The following CDH13 variants were observed in gnomAD, a reference collection of about 807,000 sequenced individuals.
CDH13 encodes cadherin 13.
In CDH13, 24 loss-of-function variants were observed where a neutral mutation model predicts 63.8. That is an observed-to-expected ratio of 0.38 (90% CI 0.27 to 0.53). CDH13 has a LOEUF of 0.53. Ranked by LOEUF, CDH13 falls within the 20% of genes least tolerant of loss-of-function variation. CDH13 has a pLI of 0.85. For synonymous variants in CDH13, 503 were observed against 355.3 expected (o/e 1.42, Z -4.67); for missense variants, 1,049 against 903.1 (o/e 1.16, Z -2.07).
chr16:83,553,027 T>C (rs4346196), intron 7 of CDH13, among the ~76,000 whole-genome samples: 103,315 of 150,870 alleles, frequency 0.68, 35,744 homozygotes, highest in Non-Finnish European at 0.73. Flanking sequence ...TGCAGTGAGC[T>C]GAGATCGCGT....
At chr16:83,666,905 T>A (rs940450245) in intron 8 of CDH13, among the ~76,000 whole-genome samples, 4 of 152,200 alleles carry the variant, frequency 2.6e-5, no homozygotes, top group African/African-American at 9.6e-5. Context: ...TTGTTATACA[T>A]TTCTTTCCCA....
At chr16:82,743,528 T>TA (rs1299560245) in intron 1 of CDH13, among the ~76,000 whole-genome samples, 1 of 152,210 alleles carries the variant, frequency 6.6e-6, no homozygotes, top group African/African-American at 2.4e-5. Context: ...TACTAATACA[T>TA]ATTTTGAAGG....
chr16:83,220,400 G>A (rs936321684), intron 5 of CDH13, among the ~76,000 whole-genome samples: 2 of 152,110 alleles, frequency 1.3e-5, no homozygotes, highest in South Asian at 2.1e-4. Flanking sequence ...TAGATCCATG[G>A]TATTCATGGT....
chr16:83,037,762 G>T (rs1916993472), intron 3 of CDH13, among the ~76,000 whole-genome samples: 1 of 152,088 alleles, frequency 6.6e-6, no homozygotes, highest in African/African-American at 2.4e-5. Context: ...GACATGAGTG[G>T]GTTCAAATTT....
Position 82,868,554 on chromosome 16 carries a change from A to T in CDH13, c.157+10081A>T, listed in dbSNP as rs77351633. 3.6e-3 allele frequency among the ~76,000 whole-genome samples: 541 copies of T among 152,344 alleles called. 13 individuals are homozygous for T. The East Asian group carries it at 0.055, about 15-fold the overall frequency. ...ACTTGTTCTTTAAAGAATGGGAAAC[A>T]CAAGAAGTAACAGAGTGAGAAGGAC... On this transcript the variant is annotated intron_variant, in intron 2 of 13. Transcript: ENST00000567109.
intron 1 of CDH13, among the ~76,000 whole-genome samples, chr16:82,833,450 C>T (rs2038631456): frequency 2.6e-5 from 4 of 152,300 alleles, no homozygotes; most frequent in South Asian, 2.1e-4. Flanking sequence ...CTAAATTCAA[C>T]CCAGGAACCC....
chr16:83,655,171 C>T (rs1483368954), intron 8 of CDH13: 2 of 152,236 alleles, frequency 1.3e-5, no homozygotes, highest in African/African-American at 4.8e-5. Flanking sequence ...AATCTCTCAC[C>T]TTGATTCCCT....
rs543142769 is a variant in CDH13 at position 83,505,283 on chromosome 16, A to G, written c.960+18628A>G. 2.0e-5 allele frequency among the ~76,000 whole-genome samples: 3 copies of G among 152,326 alleles called. No homozygotes were observed. In the South Asian group the frequency reaches 6.2e-4, roughly 32 times the overall value. ...AATGCCTAGCGGGCGTTAGCCTACA[A>G]CGAAGGATAATTCAATCTATCCTCA... is the stretch of plus-strand genomic sequence containing the variant. On this transcript the variant is annotated intron_variant, in intron 7 of 13. Transcript: ENST00000567109.
At chr16:83,008,493 A>G (rs988640612) in intron 2 of CDH13, among the ~76,000 whole-genome samples, 1 of 152,224 alleles carries the variant, frequency 6.6e-6, no homozygotes, top group African/African-American at 2.4e-5. Context: ...TGAGGGTGAG[A>G]GTAGCACAAA....
intron 3 of CDH13, among the ~76,000 whole-genome samples, chr16:83,122,009 T>TG (rs1248062215): frequency 6.6e-6 from 1 of 151,396 alleles, no homozygotes; most frequent in East Asian, 1.9e-4. Context: ...TATGGGGCCT[T>TG]GGGGCCAAAG....
intron 4 of CDH13, among the ~76,000 whole-genome samples, chr16:83,193,146 C>T (rs1450442133): frequency 6.7e-6 from 1 of 149,470 alleles, no homozygotes; most frequent in Non-Finnish European, 1.5e-5. Flanking sequence ...CAGGGAAATG[C>T]TATACTTGAA....
intron 6 of CDH13, among the ~76,000 whole-genome samples, chr16:83,392,782 G>A (rs995137505): frequency 6.6e-6 from 1 of 152,146 alleles, no homozygotes; most frequent in Non-Finnish European, 1.5e-5. Context: ...GCTAAATTAT[G>A]CGGTGCCATC....
At chr16:83,094,321 C>G (rs909904250) in intron 3 of CDH13, among the ~76,000 whole-genome samples, 2 of 152,122 alleles carry the variant, frequency 1.3e-5, no homozygotes, top group Non-Finnish European at 2.9e-5. Flanking sequence ...AAGAGGGAAA[C>G]TTTGGGAAAT....
chr16:82,831,570 G>A (rs974937192), intron 1 of CDH13, among the ~76,000 whole-genome samples: 1 of 152,072 alleles, frequency 6.6e-6, no homozygotes, highest in African/African-American at 2.4e-5. Context: ...CTGAGGTGAG[G>A]ACCCCAGCTG....
chr16:83,480,610 T>C (rs915346486), intron 6 of CDH13, among the ~76,000 whole-genome samples: 27 of 152,166 alleles, frequency 1.8e-4, no homozygotes, highest in Non-Finnish European at 1.5e-5. Flanking sequence ...AATTCTCACA[T>C]TGGCAGTCTG....
At chr16:83,257,991 G>A (rs1036224721) in intron 5 of CDH13, among the ~76,000 whole-genome samples, 6 of 152,110 alleles carry the variant, frequency 3.9e-5, no homozygotes, top group Non-Finnish European at 7.4e-5. Flanking sequence ...TCTCAATGTG[G>A]TATTGGTTTG....
rs56106728 is a variant in CDH13 at position 82,856,693 on chromosome 16, C to CA, written c.46-1641dup. Among the ~76,000 whole-genome samples, 60 of 49,554 alleles carry CA rather than the reference C, an allele frequency of 1.2e-3. 4 individuals carry two copies. The highest frequency in any genetic ancestry group is 3.5e-3 in the African/African-American group (39 of 11,126). 32.5% of individuals were successfully genotyped at this position (49,554 alleles called of 152,430 possible). Reference sequence around the variant, plus strand: ...TGGGCAACATGGCAAGACTCGGTCTCAAAAAAAAAAAAAAAAAAAAAAAAA... The same window carrying CA: ...TGGGCAACATGGCAAGACTCGGTCTCAAAAAAAAAAAAAAAAAAAAAAAAAA... On this transcript the variant is annotated intron_variant, in intron 1 of 13. Coordinates refer to ENST00000567109, the MANE Select transcript of CDH13 (RefSeq NM_001257.5).
At chr16:83,463,214 A>G (rs2151527612) in intron 6 of CDH13, among the ~76,000 whole-genome samples, 1 of 152,342 alleles carries the variant, frequency 6.6e-6, no homozygotes, top group East Asian at 1.9e-4. Context: ...ACCAAGGCCC[A>G]GGCGTCAGAT....
At chr16:83,550,476 G>A (rs2075469802) in intron 7 of CDH13, among the ~76,000 whole-genome samples, 1 of 152,210 alleles carries the variant, frequency 6.6e-6, no homozygotes, top group South Asian at 2.1e-4. Flanking sequence ...TAATGATGGA[G>A]ACAATTGATT....
Sources: allele counts gnomAD v4.1 joint callset (sites outside exome capture counted in the v4.1 genomes callset), GRCh38; gene constraint gnomAD v4.1.1; transcripts MANE v1.5; gene names NCBI Gene and HGNC (gene_info 2026-07-23, HGNC 2026-07-21).